Variants in DHX15 observed in about 807,000 individuals in gnomAD.
DHX15 encodes ATP-dependent RNA helicase DHX15.
DHX15 carries 11 observed loss-of-function variants against 94.4 expected under a neutral mutation model. That is an observed-to-expected ratio of 0.12 (90% CI 0.07 to 0.19). The LOEUF (loss-of-function observed/expected upper bound fraction) is 0.19, where lower values mean the gene tolerates loss of function less well. DHX15 is among the 10% of genes least tolerant of loss of function. The probability of loss-of-function intolerance (pLI) is 1.00; values close to 1 mark genes in which losing one functional copy is unlikely to be tolerated. For missense variants in DHX15, 304 were observed against 988.5 expected (o/e 0.31, Z 9.29); for synonymous variants, 338 against 329.9 (o/e 1.02, Z -0.27).
chr4:24,531,455 G>A (rs1004622570), intron 12 of DHX15, among the ~76,000 whole-genome samples: 2 of 152,056 alleles, frequency 1.3e-5, no homozygotes, highest in Middle Eastern at 3.2e-3. Context: ...GCTCACGTCT[G>A]TAATCTCAGC....
chr4:24,538,421 C>T (rs1272851039), intron 10 of DHX15: 4 of 152,058 alleles, frequency 2.6e-5, no homozygotes, highest in Admixed American at 2.0e-4. Flanking sequence ...TAAAAGCACA[C>T]AAACTTCTCA....
intron 1 of DHX15, 85 bp downstream of exon 1, chr4:24,584,238 G>T: frequency 7.3e-7 from 1 of 1,376,006 alleles, no homozygotes; most frequent in Non-Finnish European, 9.9e-7. Context: ...TCCAGGACCC[G>T]CTCGGCCAGG....
At chr4:24,581,688 G>T (rs1722419477) in intron 1 of DHX15, among the ~76,000 whole-genome samples, 3 of 151,386 alleles carry the variant, frequency 2.0e-5, no homozygotes, top group African/African-American at 4.8e-5. Flanking sequence ...ATAATTAACA[G>T]AAAAAACTCT....
chr4:24,536,796 C>CA (rs1328406526), intron 11 of DHX15, among the ~76,000 whole-genome samples: 1 of 152,136 alleles, frequency 6.6e-6, no homozygotes, highest in African/African-American at 2.4e-5. Flanking sequence ...ACATGTTATA[C>CA]AAGTCTGTCA....
At chr4:24,572,032 A>G (rs972898841) in intron 2 of DHX15, among the ~76,000 whole-genome samples, 4 of 152,222 alleles carry the variant, frequency 2.6e-5, no homozygotes, top group African/African-American at 9.6e-5. Flanking sequence ...CCTTTTACAA[A>G]GGCAAAATGT....
At chr4:24,529,214 C>A (rs1721028717) in intron 13 of DHX15, among the ~76,000 whole-genome samples, 1 of 151,898 alleles carries the variant, frequency 6.6e-6, no homozygotes, top group Admixed American at 6.6e-5. Context: ...ACCTATATAT[C>A]TTTTAGTAGA....
chr4:24,536,204 G>T (rs1370606777), intron 11 of DHX15, among the ~76,000 whole-genome samples: 1 of 152,086 alleles, frequency 6.6e-6, no homozygotes, highest in East Asian at 1.9e-4. Context: ...ATGATAAGAT[G>T]ATTTAAAGCT....
At chr4:24,572,291 C>G (rs757924100) in intron 2 of DHX15, among the ~76,000 whole-genome samples, 6 of 152,104 alleles carry the variant, frequency 3.9e-5, no homozygotes, top group African/African-American at 1.4e-4. Context: ...CGTGCCACCA[C>G]GCCTGGCTAA....
chr4:24,583,608 T>C (rs1009431417), intron 1 of DHX15, among the ~76,000 whole-genome samples: 11 of 152,080 alleles, frequency 7.2e-5, no homozygotes, highest in African/African-American at 2.7e-4. Context: ...TACTTTGAAG[T>C]GTTTGAATGG....
intron 6 of DHX15, among the ~76,000 whole-genome samples, chr4:24,546,771 A>T (rs1053265931): frequency 1.3e-5 from 2 of 152,212 alleles, no homozygotes; most frequent in South Asian, 4.1e-4. Flanking sequence ...AAGGGACTCA[A>T]ATATAAAGTT....
chr4:24,572,647 C>T (rs1577349785), intron 2 of DHX15, among the ~76,000 whole-genome samples: 1 of 121,390 alleles, frequency 8.2e-6, no homozygotes, highest in Non-Finnish European at 1.7e-5. Context: ...AAAACTCATT[C>T]TGTTTTAACA....
chr4:24,550,557 A>C (rs1721578864), intron 5 of DHX15, among the ~76,000 whole-genome samples: 1 of 152,138 alleles, frequency 6.6e-6, no homozygotes, highest in East Asian at 1.9e-4. Context: ...ACACACACTT[A>C]ACCTAGGCCC....
intron 6 of DHX15, among the ~76,000 whole-genome samples, chr4:24,547,045 G>A (rs930044987): frequency 2.0e-5 from 3 of 152,056 alleles, no homozygotes; most frequent in Non-Finnish European, 2.9e-5. Context: ...AACATGCTGC[G>A]CCTCAGAATG....
intron 6 of DHX15, among the ~76,000 whole-genome samples, chr4:24,545,672 T>G (rs962942018): frequency 6.6e-6 from 1 of 152,188 alleles, no homozygotes; most frequent in Non-Finnish European, 1.5e-5. Flanking sequence ...AAAAGCTTCT[T>G]TGGTACTTCA....
intron 5 of DHX15, among the ~76,000 whole-genome samples, chr4:24,554,117 C>T (rs1355189664): frequency 6.6e-6 from 1 of 152,106 alleles, no homozygotes. Flanking sequence ...ACTTGGGAGG[C>T]TGAGGCAGGA....
At chr4:24,560,062 G>C (rs1019813281) in intron 3 of DHX15, among the ~76,000 whole-genome samples, 2 of 151,796 alleles carry the variant, frequency 1.3e-5, no homozygotes, top group Non-Finnish European at 2.9e-5. Context: ...GTATTTTTTT[G>C]CAACAGGCAC....
At chr4:24,551,600 T>TA (rs897671997) in intron 5 of DHX15, among the ~76,000 whole-genome samples, 1 of 152,140 alleles carries the variant, frequency 6.6e-6, no homozygotes, top group Non-Finnish European at 1.5e-5. Context: ...TTCATCTAAA[T>TA]AAAAAATATA....
In DHX15 at chr4:24,537,515, G is replaced by C; in HGVS notation, c.1787-342C>G. 1 of 169,866 alleles carries C rather than the reference G, an allele frequency of 5.9e-6. No homozygotes were observed. The highest frequency in any genetic ancestry group is 6.3e-5 in the Admixed American group (1 of 15,974). 10.5% of individuals were successfully genotyped at this position (169,866 alleles called of 1,614,324 possible). A position where few individuals can be genotyped will look rare whatever the true frequency, so the allele number is the denominator to read the frequency against. On this transcript the variant is annotated intron_variant, in intron 10 of 13. Coordinates refer to ENST00000336812, the MANE Select transcript of DHX15 (RefSeq NM_001358.3). The surrounding 1 kb of genome is among the most constrained non-coding windows in gnomAD (Gnocchi z 4.7). ...AGCTCTACCAATAACCAGAATAACGGTGTCAATTGCCTTTTAGCTAACTGT... is the reference window on the plus strand; with the variant it reads ...AGCTCTACCAATAACCAGAATAACGCTGTCAATTGCCTTTTAGCTAACTGT...
chr4:24,542,690 C>A (rs941040390), intron 7 of DHX15, among the ~76,000 whole-genome samples: 5 of 151,700 alleles, frequency 3.3e-5, no homozygotes, highest in African/African-American at 1.2e-4. Flanking sequence ...GCCAAAACAC[C>A]CACCGTCACT....
Sources: gnomAD v4.1 joint callset for allele counts (sites outside exome capture counted in the v4.1 genomes callset) on GRCh38, gnomAD v4.1.1 for gene constraint, Gnocchi (gnomAD v3.1) non-coding constraint, MANE v1.5 for transcripts, NCBI Gene and HGNC (gene_info 2026-07-23, HGNC 2026-07-21) for gene names.